The following AMBRA1 variants were observed in gnomAD, a reference collection of about 807,000 sequenced individuals.
The protein encoded by AMBRA1 is autophagy and beclin 1 regulator 1.
Under a neutral mutation model 125.4 loss-of-function variants are expected in AMBRA1, and 47 were observed. The observed-to-expected ratio is 0.37, with a 90% CI of 0.30 to 0.48. The LOEUF (loss-of-function observed/expected upper bound fraction) is 0.48, where lower values mean the gene tolerates loss of function less well. Ranked by LOEUF, AMBRA1 falls within the 20% of genes least tolerant of loss-of-function variation. AMBRA1 has a pLI of 0.99. For synonymous variants in AMBRA1, 626 were observed against 655.5 expected (o/e 0.95, Z 0.69); for missense variants, 1,331 against 1,693.4 (o/e 0.79, Z 3.76).
At chr11:46,427,382 A>C (rs777238636) in intron 14 of AMBRA1, among the ~76,000 whole-genome samples, 69 of 152,358 alleles carry the variant, frequency 4.5e-4, no homozygotes, top group Non-Finnish European at 9.6e-4. Flanking sequence ...GGTATAAAAG[A>C]AAGCAAGCAA....
chr11:46,587,775 A>G (rs2044455344), intron 1 of AMBRA1, among the ~76,000 whole-genome samples: 1 of 152,226 alleles, frequency 6.6e-6, no homozygotes, highest in Non-Finnish European at 1.5e-5. Flanking sequence ...GGAGACCATA[A>G]GAACACCTAT....
Position 46,542,756 on chromosome 11 carries a change from G to A in AMBRA1, c.1261C>T (p.Arg421Trp), listed in dbSNP as rs753519749. ...APGLTGSEWT[R>W]TVLSLNSRSE... is the part of the protein sequence containing the mutation. ...CGGGAGTTCAGACTGAGTACTGTCC[G>A]GGTCCACTCAGATCCTGTCAACCCA... The change falls in exon 7 of 18, where the codon CGG becomes TGG. Residue 421 changes from arginine (R) to tryptophan (W), a missense_variant. Around this residue, in one of 4 missense-constraint regions of AMBRA1, gnomAD observed 689 missense variants for 776.5 expected, o/e 0.89. Coordinates refer to ENST00000683756, the MANE Select transcript of AMBRA1 (RefSeq NM_001387011.1). This position sits in a 1 kb window ranked among gnomAD's most constrained non-coding sequence, Gnocchi z 5.9. The A allele has an allele frequency of 5.6e-6, 9 of 1,613,916 alleles. No individual in the cohort carries two copies. The highest frequency in any genetic ancestry group is 6.8e-6 in the Non-Finnish European group (8 of 1,179,990).
At chr11:46,578,198 C>A (rs556078516) in intron 1 of AMBRA1, among the ~76,000 whole-genome samples, 151 of 151,962 alleles carry the variant, frequency 9.9e-4, no homozygotes, top group African/African-American at 3.6e-3. Context: ...TATAAAATTC[C>A]AGGTAGGGCC....
intron 9 of AMBRA1, among the ~76,000 whole-genome samples, chr11:46,504,184 T>C (rs959263709): frequency 6.6e-6 from 1 of 152,164 alleles, no homozygotes; most frequent in East Asian, 1.9e-4. Flanking sequence ...GGCAGGAATA[T>C]GGGCTAGGGA....
chr11:46,519,950 A>G (rs1190947859), intron 7 of AMBRA1, among the ~76,000 whole-genome samples: 3 of 152,150 alleles, frequency 2.0e-5, no homozygotes, highest in Admixed American at 6.5e-5. Flanking sequence ...GACCTGCCTG[A>G]CCAACATGGA....
In AMBRA1 at chr11:46,542,387, C is replaced by T. The variant is rs774449186; in HGVS notation, c.1630G>A (p.Gly544Ser). 1.9e-6 allele frequency: 3 copies of T among 1,613,990 alleles called. No individual in the cohort carries two copies. The African/African-American group carries it at 4.0e-5, about 22-fold the overall frequency. ...LNNNIESERPGPSHQPTPHSS... is the reference protein window; with the variant it reads ...LNNNIESERPSPSHQPTPHSS... ...TGTGGGGTGGGCTGGTGGGAAGGGC[C>T]TGGCCTCTCAGATTCAATGTTATTG... Residue 544 changes from glycine (G) to serine (S), a missense_variant, in exon 7 of 18, where the codon GGC (glycine) becomes AGC (serine). This residue lies in a region of AMBRA1 where 689 missense variants were observed against 776.5 expected (regional missense o/e 0.89). Transcript: ENST00000683756. This position sits in a 1 kb window ranked among gnomAD's most constrained non-coding sequence, Gnocchi z 5.9.
At chr11:46,464,741 C>T (rs931890628) in intron 11 of AMBRA1, among the ~76,000 whole-genome samples, 42 of 151,970 alleles carry the variant, frequency 2.8e-4, no homozygotes, top group African/African-American at 9.2e-4. Context: ...CCCTAACTAC[C>T]TCCTTTATTA....
chr11:46,462,596 A>G (rs995073570), intron 11 of AMBRA1, among the ~76,000 whole-genome samples: 3 of 151,852 alleles, frequency 2.0e-5, no homozygotes, highest in African/African-American at 7.3e-5. Flanking sequence ...CAGACCCATC[A>G]CTTTGTACAT....
chr11:46,548,258 T>C lies in AMBRA1; in HGVS notation c.123A>G (p.Lys41=), dbSNP rs112233553. The C allele has an allele frequency of 6.4e-5, 103 of 1,614,148 alleles. No homozygotes were observed. In the African/African-American group the frequency reaches 1.3e-3, roughly 20 times the overall value. The change falls in exon 2 of 18, where the codon AAA becomes AAG. Residue 41 remains lysine, a synonymous_variant. Coordinates refer to ENST00000683756, the MANE Select transcript of AMBRA1 (RefSeq NM_001387011.1). ...CCATTTTCCTTACCTTGCCCTCCCA[T>C]TTCATCCACCGGGTTTTATCTTCTA... The part of the protein sequence containing the change: ...ELVEDKTRWM[K]WEGKRVELPD...
In AMBRA1 at chr11:46,410,318, A is replaced by G. The variant is rs1319162148; in HGVS notation, c.3167T>C (p.Val1056Ala). 1 of 1,613,836 alleles carries G rather than the reference A, an allele frequency of 6.2e-7. No homozygotes were observed. Among genetic ancestry groups the G allele is most frequent in the African/African-American group, 1.3e-5 (1 of 74,918 alleles). The change falls in exon 16 of 18, where the codon GTC (valine) becomes GCC (alanine). Residue 1056 changes from valine to alanine, a missense_variant. Transcript: ENST00000683756. ...CCTGCTGTTGGAATGGACAGTGAAG[A>G]CCGTCTCGTTCAGCTGGTCCCAGTA... The part of the protein sequence containing the change: ...EYYWDQLNET[V>A]FTVHSNSRSS...
At chr11:46,593,416 T>C (rs1377153454) in intron 1 of AMBRA1, among the ~76,000 whole-genome samples, 1 of 151,978 alleles carries the variant, frequency 6.6e-6, no homozygotes, top group African/African-American at 2.4e-5. Context: ...AGCCTCCACC[T>C]ACTCAAAGGT....
At chr11:46,498,503 C>T (rs1201340372) in intron 9 of AMBRA1, among the ~76,000 whole-genome samples, 1 of 151,930 alleles carries the variant, frequency 6.6e-6, no homozygotes, top group African/African-American at 2.4e-5. Flanking sequence ...AAAGATTTTA[C>T]CAGAAAAAAA....
At chr11:46,581,222 C>A (rs937273475) in intron 1 of AMBRA1, among the ~76,000 whole-genome samples, 1 of 152,064 alleles carries the variant, frequency 6.6e-6, no homozygotes. Flanking sequence ...CCTGTAATCC[C>A]GGGACTTTGG....
intron 11 of AMBRA1, among the ~76,000 whole-genome samples, chr11:46,491,907 C>T (rs1950477245): frequency 6.6e-6 from 1 of 152,194 alleles, no homozygotes; most frequent in Admixed American, 6.5e-5. Context: ...CAACATACAG[C>T]TGTTCCCCCA....
intron 13 of AMBRA1, among the ~76,000 whole-genome samples, 174 bp from the exon 14 acceptor site, chr11:46,433,802 G>A (rs1325139104): frequency 6.6e-6 from 1 of 152,210 alleles, no homozygotes; most frequent in Non-Finnish European, 1.5e-5. Flanking sequence ...CATACTGAGT[G>A]TAGTGTTTGA....
At position 46,542,669 on chromosome 11, in the gene AMBRA1, C is replaced by T; in HGVS notation, c.1348G>A (p.Val450Met). Residue 450 changes from valine (V) to methionine (M), a missense_variant, in exon 7 of 18, where the codon GTG becomes ATG. By Grantham distance (21) the Val-to-Met change is conservative. Coordinates refer to ENST00000683756, the MANE Select transcript of AMBRA1 (RefSeq NM_001387011.1). This position sits in a 1 kb window ranked among gnomAD's most constrained non-coding sequence, Gnocchi z 5.9. Reference protein sequence around the residue: ...TSASSVSLLSVLRQQEGGSQA... With the variant: ...TSASSVSLLSMLRQQEGGSQA... Reference sequence around the variant, plus strand: ...GAGCCACCTTCCTGCTGTCTCAGCACAGACAGCAAACTCACCGAAGAGGCA... The same window carrying T: ...GAGCCACCTTCCTGCTGTCTCAGCATAGACAGCAAACTCACCGAAGAGGCA... 6.2e-7 allele frequency: 1 copy of T among 1,614,218 alleles called. No homozygotes were observed. Among genetic ancestry groups the T allele is most frequent in the Non-Finnish European group, 8.5e-7 (1 of 1,180,036 alleles).
intron 14 of AMBRA1, among the ~76,000 whole-genome samples, chr11:46,425,351 T>TGTGTGTGTGTGTG (rs1947076039): frequency 6.7e-6 from 1 of 149,086 alleles, no homozygotes; most frequent in Non-Finnish European, 1.5e-5. Flanking sequence ...TGTGTGTGTG[T>TGTGTGTGTGTGTG]AAGAAGTAGT....
In AMBRA1 at chr11:46,402,102, C is replaced by T. The variant is rs929446341; in HGVS notation, c.3404-4159G>A. 2.6e-5 allele frequency among the ~76,000 whole-genome samples: 4 copies of T among 152,354 alleles called. 1 individual carries two copies. In the South Asian group the frequency reaches 8.3e-4, roughly 32 times the overall value. ...CTGGTCCCCCAGCTAGAAGGGGATG[C>T]TCCTTCTCTGGGACCTCACAGTGCT... On this transcript the variant is annotated intron_variant, in intron 17 of 17. Transcript: ENST00000683756.
At chr11:46,571,219 T>C (rs905342944) in intron 1 of AMBRA1, among the ~76,000 whole-genome samples, 14 of 152,290 alleles carry the variant, frequency 9.2e-5, no homozygotes, top group African/African-American at 2.2e-4. Flanking sequence ...TCAGTAAGTA[T>C]GACAGAAGTT....
Sources: allele counts gnomAD v4.1 joint callset (sites outside exome capture counted in the v4.1 genomes callset), GRCh38; gene constraint gnomAD v4.1.1; regional missense constraint gnomAD v4.1.1; non-coding constraint Gnocchi (gnomAD v3.1); transcripts MANE v1.5; gene names NCBI Gene and HGNC (gene_info 2026-07-23, HGNC 2026-07-21).